Variants in GLRA2 observed in about 807,000 individuals in gnomAD.
The protein encoded by GLRA2 is glycine receptor subunit alpha-2.
In GLRA2, 11 loss-of-function variants were observed where a neutral mutation model predicts 31.6. The ratio of observed to expected loss-of-function variants is 0.35; its 90% CI spans 0.22 to 0.58. The LOEUF (loss-of-function observed/expected upper bound fraction) is 0.58, where lower values mean the gene tolerates loss of function less well. GLRA2 is among the 20% of genes least tolerant of loss of function. GLRA2 has a pLI of 0.84. For synonymous variants in GLRA2, 132 were observed against 134.0 expected (o/e 0.99, Z 0.10); for missense variants, 212 against 351.8 (o/e 0.60, Z 3.18).
chrX:14,534,406 T>C (rs181038592), intron 2 of GLRA2, among the ~76,000 whole-genome samples: 1 of 110,773 alleles, frequency 9.0e-6, no homozygotes, highest in African/African-American at 3.3e-5. Flanking sequence ...TTTATTTACA[T>C]AGACCATTTA....
At chrX:14,517,751 A>G in the GLRA2 span, among the ~76,000 whole-genome samples, 1 of 111,560 alleles carries the variant, frequency 9.0e-6, no homozygotes, top group South Asian at 3.8e-4. Flanking sequence ...AAATATTTCT[A>G]TTCTAAGATA....
At chrX:14,474,127 C>A in the GLRA2 span, among the ~76,000 whole-genome samples, 4 of 111,807 alleles carry the variant, frequency 3.6e-5, no homozygotes, top group Admixed American at 2.9e-4. Context: ...AACAGCCAAT[C>A]TGGAATTTTT....
intron 7 of GLRA2, among the ~76,000 whole-genome samples, chrX:14,682,747 G>A: frequency 1.1e-5 from 1 of 93,681 alleles, no homozygotes; most frequent in Non-Finnish European, 2.0e-5. Flanking sequence ...TCCCCTTCCT[G>A]TGTCCAAGTG....
chrX:14,626,717 C>A (rs1480851485), intron 7 of GLRA2, among the ~76,000 whole-genome samples: 1 of 111,706 alleles, frequency 9.0e-6, no homozygotes, highest in East Asian at 2.8e-4. Flanking sequence ...AAGGAAAGCA[C>A]ATTGGATGAT....
In GLRA2 at chrX:14,691,676, G is replaced by C. The variant is rs144982863; in HGVS notation, c.1080+817G>C. On this transcript the variant is annotated intron_variant, in intron 8 of 8. Transcript: ENST00000218075. The stretch of plus-strand genomic sequence containing the variant: ...GCCTCTGTATTTCTGCAGCTCCCCA[G>C]GCAATTCTGGTGTGCAGACATGCTT... 5.1e-3 allele frequency among the ~76,000 whole-genome samples: 567 copies of C among 111,665 alleles called. 6 individuals carry two copies. The highest frequency in any genetic ancestry group is 0.017 in the African/African-American group (531 of 30,727).
chrX:14,704,641 C>T lies in GLRA2; in HGVS notation c.1080+13782C>T, dbSNP rs1340728910. On this transcript the variant is annotated intron_variant, in intron 8 of 8. Transcript: ENST00000218075. ...CTGATTGATGAGGCAGCATCAGACG[C>T]GAGTATAACCGTTTATAAAATAAAT... is the stretch of plus-strand genomic sequence containing the variant. Among the ~76,000 whole-genome samples the T allele has an allele frequency of 3.6e-5, 4 of 111,422 alleles. No homozygotes were observed. The East Asian group carries it at 8.4e-4, about 23-fold the overall frequency.
intron 8 of GLRA2, among the ~76,000 whole-genome samples, chrX:14,729,038 C>T (rs2091960415): frequency 8.9e-6 from 1 of 112,238 alleles, no homozygotes; most frequent in Admixed American, 9.4e-5. Flanking sequence ...TACAAATTGT[C>T]CTTGTTGTAC....
the GLRA2 span, among the ~76,000 whole-genome samples, chrX:14,481,849 A>G: frequency 1.8e-5 from 2 of 110,874 alleles, no homozygotes; most frequent in Admixed American, 9.6e-5. Flanking sequence ...GATTCAAGGA[A>G]GTTTAGTCAT....
chrX:14,545,792 C>A (rs1569490877), intron 2 of GLRA2, among the ~76,000 whole-genome samples: 1 of 111,067 alleles, frequency 9.0e-6, no homozygotes, highest in African/African-American at 3.3e-5. Flanking sequence ...GAGAAGGTGG[C>A]TTTGCTGAAT....
the GLRA2 span, among the ~76,000 whole-genome samples, chrX:14,478,062 A>G: frequency 2.7e-5 from 3 of 111,108 alleles, no homozygotes; most frequent in African/African-American, 9.8e-5. Context: ...GTTTTTCACT[A>G]TGTGGATTGG....
At position 14,532,282 on chromosome X, in the gene GLRA2, C is replaced by A. The variant is rs1387982519; in HGVS notation, c.112C>A (p.Pro38Thr). 12 of 1,177,724 alleles carry A rather than the reference C, an allele frequency of 1.0e-5. No individual in the cohort carries two copies. Among genetic ancestry groups the A allele is most frequent in the Admixed American group, 2.2e-5 (1 of 45,119 alleles). ...KDHDSRSGKQ[P>T]SQTLSPSDFL... is the part of the protein sequence containing the mutation. ...CCATGACTCCAGGTCTGGAAAACAACCTTCACAGACCCTATCTCCTTCAGA... is the reference window on the plus strand; with the variant it reads ...CCATGACTCCAGGTCTGGAAAACAAACTTCACAGACCCTATCTCCTTCAGA... The change falls in exon 2 of 9, where the codon CCT (proline) becomes ACT (threonine). Residue 38 changes from proline to threonine, a missense_variant. This residue lies in a region of GLRA2 where 33 missense variants were observed against 27.7 expected (regional missense o/e 1.19). Coordinates refer to ENST00000218075, the MANE Select transcript of GLRA2 (RefSeq NM_002063.4).
At chrX:14,451,208 C>T in the GLRA2 span, among the ~76,000 whole-genome samples, 1 of 111,511 alleles carries the variant, frequency 9.0e-6, no homozygotes, top group Non-Finnish European at 1.9e-5. Flanking sequence ...GCACATAGCC[C>T]ACAGACCCTA....
chrX:14,458,461 T>C, the GLRA2 span, among the ~76,000 whole-genome samples: 1 of 112,241 alleles, frequency 8.9e-6, no homozygotes, highest in African/African-American at 3.2e-5. Flanking sequence ...ACTTCCACGA[T>C]GGTTGAACTA....
At chrX:14,521,014 A>C in the GLRA2 span, among the ~76,000 whole-genome samples, 1 of 112,619 alleles carries the variant, frequency 8.9e-6, no homozygotes, top group Admixed American at 9.4e-5. Flanking sequence ...AACCAATGCA[A>C]GGAAATAAAG....
At chrX:14,673,104 C>T (rs1198504152) in intron 7 of GLRA2, among the ~76,000 whole-genome samples, 1 of 111,387 alleles carries the variant, frequency 9.0e-6, no homozygotes, top group Non-Finnish European at 1.9e-5. Context: ...TCACACTATA[C>T]TCTCATATAT....
At chrX:14,589,772 G>GTA (rs781284334) in intron 4 of GLRA2, among the ~76,000 whole-genome samples, 222 of 106,313 alleles carry the variant, frequency 2.1e-3, no homozygotes, top group Admixed American at 4.0e-3. Flanking sequence ...GTATATATAT[G>GTA]TATATATATA....
intron 7 of GLRA2, among the ~76,000 whole-genome samples, chrX:14,622,237 A>C (rs1005239531): frequency 1.8e-5 from 2 of 111,549 alleles, no homozygotes; most frequent in Non-Finnish European, 3.8e-5. Context: ...AATTTGTTTA[A>C]GTTTTTTGTA....
intron 7 of GLRA2, among the ~76,000 whole-genome samples, chrX:14,614,305 G>A (rs1241817812): frequency 9.0e-6 from 1 of 111,419 alleles, no homozygotes; most frequent in Non-Finnish European, 1.9e-5. Context: ...CTTGTGAGGT[G>A]AACTTGAGTT....
chrX:14,730,222 C>T lies in GLRA2; in HGVS notation c.1096C>T (p.Arg366Cys). 8.3e-7 allele frequency: 1 copy of T among 1,200,338 alleles called. No homozygotes were observed. Among genetic ancestry groups the T allele is most frequent in the Non-Finnish European group, 1.1e-6 (1 of 885,684 alleles). Residue 366 changes from arginine (R) to cysteine (C), a missense_variant, in exon 9 of 9, where the codon CGT becomes TGT. By Grantham distance (180) the Arg-to-Cys change is radical. Transcript: ENST00000218075. ...KRQNKEEDVT[R>C]ESRFNFSGYG... ...ATTCCGTCAGGAAGAAGACGTTACT[C>T]GTGAAAGTCGTTTTAATTTTAGCGG...
Sources: allele counts gnomAD v4.1 joint callset (sites outside exome capture counted in the v4.1 genomes callset), GRCh38; gene constraint gnomAD v4.1.1; regional missense constraint gnomAD v4.1.1; transcripts MANE v1.5; gene names NCBI Gene and HGNC (gene_info 2026-07-23, HGNC 2026-07-21).